DSCAM: variants seen among roughly 807,000 people sequenced by gnomAD.
The protein encoded by DSCAM is cell adhesion molecule DSCAM.
Under a neutral mutation model 217.7 loss-of-function variants are expected in DSCAM, and 47 were observed. The observed-to-expected ratio is 0.22, with a 90% confidence interval of 0.17 to 0.28. DSCAM has a LOEUF of 0.28. DSCAM is among the 10% of genes least tolerant of loss of function. The probability of loss-of-function intolerance (pLI) is 1.00; values close to 1 mark genes in which losing one functional copy is unlikely to be tolerated. For missense variants in DSCAM, 2,080 were observed against 2,618.3 expected, an observed-to-expected ratio of 0.79 and a Z score of 4.49; for synonymous variants, 1,056 against 1,015.3, an observed-to-expected ratio of 1.04 and a Z score of -0.76.
At chr21:40,754,137 A>G (rs896050071) in intron 1 of DSCAM, among the ~76,000 whole-genome samples, 3 of 152,190 alleles carry the variant, frequency 2.0e-5, no homozygotes, top group African/African-American at 2.4e-5. Flanking sequence ...GCAACCGCAC[A>G]CCAGACCCTC....
intron 3 of DSCAM, among the ~76,000 whole-genome samples, chr21:40,466,044 G>T (rs905522028): frequency 1.3e-5 from 2 of 152,204 alleles, no homozygotes; most frequent in South Asian, 4.1e-4. Flanking sequence ...GTCACAAGGA[G>T]TGCAATAAAA....
chr21:40,505,364 T>C (rs1274595514), intron 3 of DSCAM, among the ~76,000 whole-genome samples: 1 of 152,218 alleles, frequency 6.6e-6, no homozygotes, highest in Admixed American at 6.5e-5. Flanking sequence ...AAAAGATTTC[T>C]TCCAGTTATT....
At chr21:40,756,054 T>C (rs931207546) in intron 1 of DSCAM, among the ~76,000 whole-genome samples, 3 of 152,242 alleles carry the variant, frequency 2.0e-5, no homozygotes, top group East Asian at 3.8e-4. Flanking sequence ...CAAAAACTTA[T>C]GTTGAAATGT....
In DSCAM at chr21:40,722,247, T is replaced by G. The variant is rs182242331; in HGVS notation, c.44-13476A>C. On this transcript the variant is annotated intron_variant, in intron 1 of 32. Coordinates refer to ENST00000400454, the MANE Select transcript of DSCAM (RefSeq NM_001389.5). ...AAAGAAATGAAGAGTGACAAAAATGTTAAGCATGTGGGTGAATATAAAATC... is the reference window on the plus strand; with the variant it reads ...AAAGAAATGAAGAGTGACAAAAATGGTAAGCATGTGGGTGAATATAAAATC... 3.8e-3 allele frequency among the ~76,000 whole-genome samples: 579 copies of G among 152,260 alleles called. 2 individuals carry two copies. The highest frequency in any genetic ancestry group is 6.6e-3 in the Non-Finnish European group (451 of 67,970).
intron 9 of DSCAM, among the ~76,000 whole-genome samples, chr21:40,307,871 G>T (rs1272992787): frequency 6.7e-6 from 1 of 149,000 alleles, no homozygotes; most frequent in African/African-American, 2.5e-5. Flanking sequence ...CTCATGGGTG[G>T]GAATTGAACA....
At chr21:40,355,181 G>C (rs2074678558) in intron 4 of DSCAM, among the ~76,000 whole-genome samples, 1 of 152,162 alleles carries the variant, frequency 6.6e-6, no homozygotes, top group East Asian at 1.9e-4. Flanking sequence ...GCATAACAGA[G>C]AGTGAAGTCC....
chr21:40,836,020 T>G (rs1359573723), intron 1 of DSCAM, among the ~76,000 whole-genome samples: 1 of 152,216 alleles, frequency 6.6e-6, no homozygotes, highest in East Asian at 1.9e-4. Flanking sequence ...GATCTGGCTC[T>G]GGAATGAGCT....
intron 10 of DSCAM, among the ~76,000 whole-genome samples, chr21:40,292,550 CACT>C (rs2073906314): frequency 1.3e-5 from 2 of 150,804 alleles, no homozygotes; most frequent in African/African-American, 4.9e-5. Context: ...AAGAGACAGA[CACT>C]ACTGCAAACT....
rs73364104 is a variant in DSCAM, at chr21:40,180,483, G to C, written c.2780-1389C>G. 6.2e-3 allele frequency among the ~76,000 whole-genome samples: 943 copies of C among 152,264 alleles called. 16 individuals are homozygous for C. Among genetic ancestry groups the C allele is most frequent in the African/African-American group, 0.022 (899 of 41,542 alleles). On this transcript the variant is annotated intron_variant, in intron 14 of 32. Coordinates refer to ENST00000400454, the MANE Select transcript of DSCAM (RefSeq NM_001389.5). ...AAAGAGTTGGAAAAAAATTGACAAG[G>C]GGAAGAATGGGATTCAATGGAAGAC...
chr21:40,074,031 C>T (rs537832375), intron 27 of DSCAM, among the ~76,000 whole-genome samples: 1 of 152,142 alleles, frequency 6.6e-6, no homozygotes, highest in Admixed American at 6.5e-5. Flanking sequence ...AAAAGCAGTG[C>T]TTTGGTGCTT....
intron 3 of DSCAM, among the ~76,000 whole-genome samples, chr21:40,569,922 TTG>T (rs2146201671): frequency 1.3e-5 from 2 of 151,904 alleles, no homozygotes; most frequent in South Asian, 4.2e-4. Flanking sequence ...AAAAAAAAAT[TTG>T]TGGTATGAAC....
intron 32 of DSCAM, among the ~76,000 whole-genome samples, chr21:40,039,209 C>G (rs180699480): frequency 2.0e-5 from 3 of 151,342 alleles, no homozygotes; most frequent in East Asian, 1.9e-4. Flanking sequence ...CTAAGAAAAA[C>G]TAAAGTCTAA....
Position 40,012,964 on chromosome 21 carries a change from G to T in DSCAM, c.*70C>A, listed in dbSNP as rs533576158. ...CTTTAATTATAAATATTGGAATTCC[G>T]TAAAAAAAAGGTAGCTTTGATTGAA... is the stretch of plus-strand genomic sequence containing the variant. On this transcript the variant is annotated 3_prime_UTR_variant, in exon 33 of 33. Coordinates refer to ENST00000400454, the MANE Select transcript of DSCAM (RefSeq NM_001389.5). The T allele has an allele frequency of 1.8e-6, 2 of 1,136,996 alleles. No individual in the cohort carries two copies. The highest frequency in any genetic ancestry group is 3.3e-5 in the African/African-American group (2 of 61,314). 70.4% of individuals were successfully genotyped at this position (1,136,996 alleles called of 1,614,324 possible).
chr21:40,567,459 T>C (rs1225062708), intron 3 of DSCAM, among the ~76,000 whole-genome samples: 2 of 152,254 alleles, frequency 1.3e-5, no homozygotes, highest in African/African-American at 4.8e-5. Flanking sequence ...TAGAAGACAA[T>C]GGACATCCAA....
intron 3 of DSCAM, among the ~76,000 whole-genome samples, chr21:40,441,030 C>A (rs1055914412): frequency 5.3e-5 from 8 of 152,148 alleles, no homozygotes; most frequent in African/African-American, 1.7e-4. Flanking sequence ...CCCCCAACCC[C>A]AAGCTTACTC....
chr21:40,786,455 C>G (rs770987595), intron 1 of DSCAM, among the ~76,000 whole-genome samples: 4 of 152,086 alleles, frequency 2.6e-5, no homozygotes, highest in African/African-American at 9.7e-5. Context: ...CAGCAGCACA[C>G]GGGAGCTTTT....
rs1417631652 is a variant in DSCAM, at chr21:40,369,392, G to A, written c.509-147C>T. 45 of 515,278 alleles carry A rather than the reference G, an allele frequency of 8.7e-5. No homozygotes were observed. The South Asian group carries it at 1.5e-3, about 18-fold the overall frequency. The allele number at this position is 515,278 out of a possible 1,614,324, so 31.9% of individuals were successfully genotyped here. A position where few individuals can be genotyped will look rare whatever the true frequency, so the allele number is the denominator to read the frequency against. On this transcript the variant is annotated intron_variant, in intron 3 of 32. Transcript: ENST00000400454. ...AATGGGTGCGTGCGTCTGCGTGTGT[G>A]TGTGTGTGTGTGTGTGTGTGTGTGT...
chr21:40,532,866 CTCTGTGTGTGTGTGTGTGTGTG>C, intron 3 of DSCAM, among the ~76,000 whole-genome samples: 1 of 103,778 alleles, frequency 9.6e-6, no homozygotes, highest in East Asian at 3.0e-4. Flanking sequence ...AGCCACAAGG[CTCTGTGTGTGTGTGTGTGTGTG>C]TGTGTGTGTG....
At chr21:40,507,233 C>T (rs541170971) in intron 3 of DSCAM, among the ~76,000 whole-genome samples, 9 of 152,180 alleles carry the variant, frequency 5.9e-5, no homozygotes, top group East Asian at 1.9e-4. Flanking sequence ...GCCGAGATCA[C>T]GTCACTGTAC....
Sources: allele counts gnomAD v4.1 joint callset (sites outside exome capture counted in the v4.1 genomes callset), GRCh38; gene constraint gnomAD v4.1.1; transcripts MANE v1.5; gene names NCBI Gene and HGNC (gene_info 2026-07-23, HGNC 2026-07-21).